APBB2: variants seen among roughly 807,000 people sequenced by gnomAD.
APBB2 encodes the protein amyloid beta precursor protein binding family B member 2.
APBB2 carries 38 observed loss-of-function variants against 82.5 expected under a neutral mutation model. That is an observed-to-expected ratio of 0.46 (90% CI 0.36 to 0.60). The LOEUF is 0.60. APBB2 is among the 20% of genes least tolerant of loss of function. APBB2 has a pLI of 0.00. For missense variants in APBB2, 772 were observed against 972.3 expected (o/e 0.79, Z 2.74); for synonymous variants, 341 against 368.2 (o/e 0.93, Z 0.85).
chr4:40,844,731 A>G (rs1757006488), intron 12 of APBB2, among the ~76,000 whole-genome samples: 1 of 152,228 alleles, frequency 6.6e-6, no homozygotes, highest in Non-Finnish European at 1.5e-5. Flanking sequence ...CAGCTGGGTA[A>G]CATTATGCAA....
At chr4:40,896,726 C>A in intron 10 of APBB2, among the ~76,000 whole-genome samples, 1 of 152,120 alleles carries the variant, frequency 6.6e-6, no homozygotes, top group East Asian at 1.9e-4. Context: ...GTCATTCTGG[C>A]AAAATTATTC....
At chr4:41,167,951 C>T (rs1767121261) in intron 1 of APBB2, among the ~76,000 whole-genome samples, 1 of 152,240 alleles carries the variant, frequency 6.6e-6, no homozygotes. Flanking sequence ...AGGACAGAAA[C>T]TGACAATGAG....
chr4:40,872,658 G>A (rs1765829039), intron 12 of APBB2, among the ~76,000 whole-genome samples: 1 of 152,134 alleles, frequency 6.6e-6, no homozygotes, highest in Non-Finnish European at 1.5e-5. Context: ...GGGAGAAAAG[G>A]AATTCTACGG....
At chr4:40,995,868 C>T (rs1436946546) in intron 6 of APBB2, among the ~76,000 whole-genome samples, 3 of 152,156 alleles carry the variant, frequency 2.0e-5, no homozygotes, top group African/African-American at 7.2e-5. Flanking sequence ...CAGAGACTCA[C>T]TATGTTGCCC....
chr4:40,955,146 A>G (rs914035785), intron 6 of APBB2, among the ~76,000 whole-genome samples: 3 of 152,214 alleles, frequency 2.0e-5, no homozygotes, highest in Admixed American at 6.5e-5. Context: ...GTCTGGGGAT[A>G]GGGTGGGCTA....
At chr4:41,068,319 G>A (rs921007125) in intron 3 of APBB2, among the ~76,000 whole-genome samples, 1 of 152,106 alleles carries the variant, frequency 6.6e-6, no homozygotes, top group Non-Finnish European at 1.5e-5. Context: ...CTGTACTATG[G>A]GAAACTGCAA....
At chr4:41,115,758 C>A (rs79657981) in intron 2 of APBB2, among the ~76,000 whole-genome samples, 34,466 of 152,090 alleles carry the variant, frequency 0.23, 4,776 homozygotes, top group East Asian at 0.6. Context: ...ATCAAAACCA[C>A]AATGAGATAC....
chr4:41,166,998 G>C (rs1766848854), intron 1 of APBB2, among the ~76,000 whole-genome samples: 1 of 152,200 alleles, frequency 6.6e-6, no homozygotes, highest in Admixed American at 6.5e-5. Context: ...TTCTGTCTTG[G>C]CTACAAATTT....
chr4:40,838,366 C>G (rs1335967705), intron 12 of APBB2, among the ~76,000 whole-genome samples: 5 of 130,174 alleles, frequency 3.8e-5, no homozygotes, highest in African/African-American at 1.5e-4. Flanking sequence ...GACGGAGTCT[C>G]GCTCTGTCGC....
At chr4:41,137,533 G>A (rs992538551) in intron 2 of APBB2, among the ~76,000 whole-genome samples, 4 of 152,138 alleles carry the variant, frequency 2.6e-5, no homozygotes, top group African/African-American at 9.7e-5. Flanking sequence ...AGAACAGAGA[G>A]GAAAAGTAGC....
intron 2 of APBB2, among the ~76,000 whole-genome samples, chr4:41,134,899 G>A (rs1004763659): frequency 6.6e-6 from 1 of 152,044 alleles, no homozygotes; most frequent in Non-Finnish European, 1.5e-5. Context: ...AGTTCACTTG[G>A]AATTTAACTG....
chr4:41,084,327 A>G (rs1017818162), intron 3 of APBB2, among the ~76,000 whole-genome samples: 1 of 152,116 alleles, frequency 6.6e-6, no homozygotes, highest in African/African-American at 2.4e-5. Flanking sequence ...AGGAGGCTGA[A>G]GCAGGAGACT....
At chr4:41,071,809 GATTA>G (rs1344905754) in intron 3 of APBB2, among the ~76,000 whole-genome samples, 1 of 152,166 alleles carries the variant, frequency 6.6e-6, no homozygotes, top group African/African-American at 2.4e-5. Context: ...AACCATAGTG[GATTA>G]ATTTTTTTTT....
At chr4:40,930,969 G>T (rs765690262) in intron 10 of APBB2, among the ~76,000 whole-genome samples, 25 of 152,182 alleles carry the variant, frequency 1.6e-4, no homozygotes, top group Middle Eastern at 3.4e-3. Context: ...AGATGGTCTC[G>T]ATCTCTTGAC....
chr4:40,921,682 A>G (rs926749817), intron 10 of APBB2, among the ~76,000 whole-genome samples: 2 of 152,260 alleles, frequency 1.3e-5, no homozygotes, highest in Admixed American at 1.3e-4. Context: ...AAAAAAACTA[A>G]GTACTTTCTA....
intron 12 of APBB2, among the ~76,000 whole-genome samples, chr4:40,850,470 CCTT>C (rs1314345483): frequency 2.6e-5 from 4 of 152,304 alleles, no homozygotes; most frequent in Non-Finnish European, 4.4e-5. Flanking sequence ...GATGACTGAA[CCTT>C]CTTACTTCCA....
intron 4 of APBB2, among the ~76,000 whole-genome samples, chr4:41,063,950 A>ATTTTTTTTTT (rs11422110): frequency 1.1e-5 from 1 of 91,794 alleles, no homozygotes; most frequent in African/African-American, 4.5e-5. Context: ...AAATGCTGGG[A>ATTTTTTTTTT]TTTTTTTTTT....
chr4:41,196,599 C>A, intron 1 of APBB2, among the ~76,000 whole-genome samples: 1 of 100,352 alleles, frequency 1.0e-5, no homozygotes, highest in Non-Finnish European at 1.9e-5. Flanking sequence ...AAGCCCCCTG[C>A]TTTTTTTTTT....
intron 1 of APBB2, among the ~76,000 whole-genome samples, chr4:41,209,516 G>A (rs753722211): frequency 1.3e-5 from 2 of 152,132 alleles, no homozygotes; most frequent in African/African-American, 2.4e-5. Context: ...ATTTCTCATC[G>A]AGGCGAGGAG....
Sources: allele counts gnomAD v4.1 joint callset (sites outside exome capture counted in the v4.1 genomes callset), GRCh38; gene constraint gnomAD v4.1.1; transcripts MANE v1.5; gene names NCBI Gene and HGNC (gene_info 2026-07-23, HGNC 2026-07-21).